Variants in TNPO3 observed in about 807,000 individuals in gnomAD.
TNPO3 encodes the protein transportin 3, also known as transportin-3.
In TNPO3, 65 loss-of-function variants were observed where a neutral mutation model predicts 122.8. That is an observed-to-expected ratio of 0.53 (90% CI 0.43 to 0.65). TNPO3 has a LOEUF of 0.65. TNPO3 is among the 30% of genes least tolerant of loss of function. The pLI is 0.00. For missense variants in TNPO3, 850 were observed against 1,136.7 expected (o/e 0.75, Z 3.63); for synonymous variants, 372 against 411.2 (o/e 0.90, Z 1.15).
chr7:128,960,572 TAA>T (rs35592478), intron 21 of TNPO3, among the ~76,000 whole-genome samples: 1 of 141,480 alleles, frequency 7.1e-6, no homozygotes, highest in African/African-American at 2.7e-5. Context: ...GTTTAAAAGC[TAA>T]AAAAAAAAAA....
chr7:128,960,749 TTTATTATTA>T (rs60734129), intron 21 of TNPO3, among the ~76,000 whole-genome samples: 3 of 150,598 alleles, frequency 2.0e-5, no homozygotes, highest in Non-Finnish European at 4.4e-5. Context: ...CAAGAGTTAA[TTTATTATTA>T]TTATTATTAT....
At chr7:128,974,830 A>T in intron 18 of TNPO3, 38 bp downstream of exon 18, 2 of 1,518,272 alleles carry the variant, frequency 1.3e-6, no homozygotes, top group Middle Eastern at 1.7e-4. Flanking sequence ...CAGTGATAGG[A>T]TGAGCAATTA....
intron 21 of TNPO3, among the ~76,000 whole-genome samples, chr7:128,964,231 A>T (rs963522865): frequency 1.3e-5 from 2 of 152,054 alleles, no homozygotes; most frequent in African/African-American, 4.8e-5. Flanking sequence ...CAATCTATAG[A>T]TTCAATACAA....
In TNPO3 at chr7:128,972,483, G is replaced by C; in HGVS notation, c.2373C>G (p.Ala791=). 1.2e-5 allele frequency: 20 copies of C among 1,614,094 alleles called. No homozygotes were observed. The highest frequency in any genetic ancestry group is 1.6e-5 in the Non-Finnish European group (19 of 1,180,012). The part of the protein sequence containing the change: ...IASTTLDHRD[A]NCSVMRFLRD... ...GTAGAAACCTCATGACACTACAATT[G>C]GCATCCCGGTGGTCCAGGGTAGTAG... The change falls in exon 19 of 23, where the codon GCC becomes GCG. Residue 791 remains alanine, a synonymous_variant. Coordinates refer to ENST00000265388, the MANE Select transcript of TNPO3 (RefSeq NM_012470.4).
chr7:129,049,690 A>T (rs1808473139), intron 1 of TNPO3, among the ~76,000 whole-genome samples: 1 of 152,226 alleles, frequency 6.6e-6, no homozygotes, highest in Non-Finnish European at 1.5e-5. Context: ...ACACATAAAG[A>T]CAAAGAAAAT....
Position 128,970,081 on chromosome 7 carries a change from C to T in TNPO3, c.2598+67G>A, listed in dbSNP as rs937719970. Reference sequence around the variant, plus strand: ...GGGCTAGTTTCAAAATTAGGGTTGGCCTTAAGGAACCAAAGCCTATTACAT... The same window carrying T: ...GGGCTAGTTTCAAAATTAGGGTTGGTCTTAAGGAACCAAAGCCTATTACAT... On this transcript the variant is annotated intron_variant, in intron 20 of 22. Coordinates refer to ENST00000265388, the MANE Select transcript of TNPO3 (RefSeq NM_012470.4). 10 of 1,596,912 alleles carry T rather than the reference C, an allele frequency of 6.3e-6. No homozygotes were observed. The Admixed American group carries it at 1.0e-4, about 16-fold the overall frequency.
At chr7:129,056,183 G>A (rs1809437171), upstream of TNPO3, 7 of 883,380 alleles carry the variant, frequency 7.9e-6, no homozygotes, top group South Asian at 1.3e-5. Flanking sequence ...CCCGGCAGAA[G>A]CTAGCTCCCA....
intron 21 of TNPO3, among the ~76,000 whole-genome samples, chr7:128,966,587 A>C (rs1308850427): frequency 6.6e-6 from 1 of 152,234 alleles, no homozygotes; most frequent in Non-Finnish European, 1.5e-5. Context: ...TGTAATACTA[A>C]AAAACTGAAA....
At position 129,004,464 on chromosome 7, in the gene TNPO3, A is replaced by C. The variant is rs773973732; in HGVS notation, c.696+552T>G. Among the ~76,000 whole-genome samples, 35 of 152,242 alleles carry C rather than the reference A, an allele frequency of 2.3e-4. 1 individual carries two copies. Among genetic ancestry groups the C allele is most frequent in the Non-Finnish European group, 4.1e-4 (28 of 68,028 alleles). ...TATTACTAGGCACTGCTACTTTCAA[A>C]GCTTAAAGAAGAAACGCACAAGTAT... is the stretch of plus-strand genomic sequence containing the variant. On this transcript the variant is annotated intron_variant, in intron 5 of 22. Coordinates refer to ENST00000265388, the MANE Select transcript of TNPO3 (RefSeq NM_012470.4).
At chr7:129,036,235 T>TA (rs889342483) in intron 1 of TNPO3, among the ~76,000 whole-genome samples, 50 of 152,170 alleles carry the variant, frequency 3.3e-4, no homozygotes, top group African/African-American at 1.2e-3. Flanking sequence ...TTATAGGCGT[T>TA]AGCCACCGCA....
chr7:128,991,935 AT>A, intron 10 of TNPO3, 63 bp downstream of exon 10: 1 of 1,183,556 alleles, frequency 8.4e-7, no homozygotes, highest in East Asian at 2.5e-5. Flanking sequence ...GAAAAAAAAA[AT>A]AGTGTCATTT....
At chr7:128,994,197 G>A (rs953298725) in intron 8 of TNPO3, among the ~76,000 whole-genome samples, 2 of 151,848 alleles carry the variant, frequency 1.3e-5, no homozygotes, top group African/African-American at 2.4e-5. Context: ...TCACTCTGTC[G>A]CCCAGGCTGG....
Position 128,970,432 on chromosome 7 carries a change from G to A in TNPO3, c.2431-117C>T, listed in dbSNP as rs189710198. The A allele has an allele frequency of 4.1e-3, 3,661 of 898,484 alleles. 18 individuals carry two copies. Among genetic ancestry groups the A allele is most frequent in the Middle Eastern group, 0.012 (53 of 4,368 alleles). The allele number at this position is 898,484 out of a possible 1,614,324, so 55.7% of individuals were successfully genotyped here. On this transcript the variant is annotated intron_variant, in intron 19 of 22. Transcript: ENST00000265388. ...TAGGAAAGTGTGTGTGTGTGTGCAC[G>A]CGTGGCTGTGTGTGTGTGTATGCAG...
chr7:128,975,954 A>G lies in TNPO3; in HGVS notation c.2062-19T>C, dbSNP rs1260678876. The G allele has an allele frequency of 6.6e-7, 1 of 1,524,538 alleles. No individual in the cohort carries two copies. Among genetic ancestry groups the G allele is most frequent in the Admixed American group, 1.7e-5 (1 of 59,832 alleles). 94.4% of individuals were successfully genotyped at this position (1,524,538 alleles called of 1,614,324 possible). ...TCACCATCTGTTGAGGGAAAAAACAATTAGTTCAATGCTTCGTCCTTCAAA... is the reference window on the plus strand; with the variant it reads ...TCACCATCTGTTGAGGGAAAAAACAGTTAGTTCAATGCTTCGTCCTTCAAA... On this transcript the variant is annotated intron_variant, in intron 16 of 22. Coordinates refer to ENST00000265388, the MANE Select transcript of TNPO3 (RefSeq NM_012470.4).
At chr7:129,054,449 A>G (rs958046691) in intron 1 of TNPO3, among the ~76,000 whole-genome samples, 1 of 152,144 alleles carries the variant, frequency 6.6e-6, no homozygotes, top group African/African-American at 2.4e-5. Context: ...CGGGTGGGGA[A>G]AGGGCCAGTT....
At chr7:129,003,016 G>A (rs1209514256) in intron 5 of TNPO3, among the ~76,000 whole-genome samples, 9 of 134,360 alleles carry the variant, frequency 6.7e-5, no homozygotes, top group Admixed American at 4.1e-4. Context: ...CTCCAGCCCC[G>A]GCGACAGAGC....
At chr7:128,976,050 C>A (rs1799025877) in intron 16 of TNPO3, 115 bp from the exon 17 acceptor site, 1 of 741,156 alleles carries the variant, frequency 1.3e-6, no homozygotes, top group Non-Finnish European at 2.4e-6. Context: ...TTTAAGGCAA[C>A]ATAGTATAAA....
At chr7:128,967,829 A>G (rs1300118156) in intron 20 of TNPO3, among the ~76,000 whole-genome samples, 1 of 152,080 alleles carries the variant, frequency 6.6e-6, no homozygotes, top group Non-Finnish European at 1.5e-5. Context: ...AGTGCACTGC[A>G]GCTTTGACCT....
intron 5 of TNPO3, among the ~76,000 whole-genome samples, chr7:129,002,863 AC>A (rs980257339): frequency 6.6e-6 from 1 of 151,826 alleles, no homozygotes; most frequent in African/African-American, 2.4e-5. Flanking sequence ...CCACGGTGAA[AC>A]CCCATCTCTA....
Sources: gnomAD v4.1 joint callset for allele counts (sites outside exome capture counted in the v4.1 genomes callset) on GRCh38, gnomAD v4.1.1 for gene constraint, MANE v1.5 for transcripts, NCBI Gene and HGNC (gene_info 2026-07-23, HGNC 2026-07-21) for gene names.